Variants in BAZ2B observed in about 807,000 individuals in gnomAD.
The protein encoded by BAZ2B is bromodomain adjacent to zinc finger domain 2B.
In BAZ2B, 91 loss-of-function variants were observed where a neutral mutation model predicts 246.0. The ratio of observed to expected loss-of-function variants is 0.37; its 90% CI spans 0.31 to 0.44. The LOEUF is 0.44. Ranked by LOEUF, BAZ2B falls within the 20% of genes least tolerant of loss-of-function variation. The pLI is 1.00. For missense variants in BAZ2B, 2,332 were observed against 2,533.7 expected (o/e 0.92, Z 1.71); for synonymous variants, 855 against 860.0 (o/e 0.99, Z 0.10).
intron 1 of BAZ2B, among the ~76,000 whole-genome samples, chr2:159,598,046 T>C (rs1056073382): frequency 6.6e-6 from 1 of 151,522 alleles, no homozygotes; most frequent in East Asian, 1.9e-4. Flanking sequence ...CTAGGCTGGA[T>C]GCAGTGGCAC....
At position 159,375,245 on chromosome 2, in the gene BAZ2B, C is replaced by T. The variant is rs373869096; in HGVS notation, c.4006-492G>A. Among the ~76,000 whole-genome samples the T allele has an allele frequency of 8.5e-5, 13 of 152,136 alleles. No individual in the cohort carries two copies. The South Asian group carries it at 2.5e-3, about 29-fold the overall frequency. ...GCAAACCACACACACACAATAAACTCCCCCAAAGCAGGAAAGTATAAGGGT... is the reference window on the plus strand; with the variant it reads ...GCAAACCACACACACACAATAAACTTCCCCAAAGCAGGAAAGTATAAGGGT... On this transcript the variant is annotated intron_variant, in intron 25 of 36. Coordinates refer to ENST00000392783, the MANE Select transcript of BAZ2B (RefSeq NM_013450.4).
the BAZ2B span, among the ~76,000 whole-genome samples, chr2:159,706,866 A>T: frequency 6.6e-6 from 1 of 152,212 alleles, no homozygotes; most frequent in Admixed American, 6.5e-5. Flanking sequence ...TGTTGACTTT[A>T]AAGAGATTAC....
intron 2 of BAZ2B, among the ~76,000 whole-genome samples, chr2:159,481,089 A>C (rs977229338): frequency 2.6e-5 from 4 of 152,018 alleles, no homozygotes; most frequent in African/African-American, 9.7e-5. Context: ...ATAGAAATTT[A>C]ACAAATCCAC....
intron 1 of BAZ2B, among the ~76,000 whole-genome samples, chr2:159,577,345 G>A (rs1455756718): frequency 6.6e-6 from 1 of 152,126 alleles, no homozygotes. Flanking sequence ...TATTTACAGG[G>A]AAGAGCATTT....
intron 1 of BAZ2B, among the ~76,000 whole-genome samples, chr2:159,575,401 T>C (rs1256831334): frequency 6.6e-6 from 1 of 152,192 alleles, no homozygotes; most frequent in Non-Finnish European, 1.5e-5. Flanking sequence ...TCAACAGGCA[T>C]GTATCAAGGG....
chr2:159,594,762 G>A (rs944066120), intron 1 of BAZ2B, among the ~76,000 whole-genome samples: 1 of 152,072 alleles, frequency 6.6e-6, no homozygotes, highest in Non-Finnish European at 1.5e-5. Flanking sequence ...CTCCCAAGCG[G>A]CTGGGACTAC....
At chr2:159,528,549 G>A (rs953568286) in intron 2 of BAZ2B, among the ~76,000 whole-genome samples, 2 of 151,938 alleles carry the variant, frequency 1.3e-5, no homozygotes, top group African/African-American at 4.8e-5. Context: ...CAGGTGTGGT[G>A]GTGAGTGCCT....
intron 2 of BAZ2B, among the ~76,000 whole-genome samples, chr2:159,491,396 G>T (rs544048570): frequency 6.6e-6 from 1 of 152,242 alleles, no homozygotes; most frequent in Non-Finnish European, 1.5e-5. Flanking sequence ...GTGTTTGGGA[G>T]AAAATTAACT....
intron 13 of BAZ2B, among the ~76,000 whole-genome samples, chr2:159,417,175 G>GTTT (rs536077331): frequency 1.5e-5 from 2 of 134,584 alleles, no homozygotes; most frequent in African/African-American, 2.7e-5. Context: ...TTTTTTTTTT[G>GTTT]TTTTTTTTTT....
the BAZ2B span, among the ~76,000 whole-genome samples, chr2:159,678,994 C>T: frequency 8.1e-3 from 1,231 of 152,250 alleles, 21 homozygotes; most frequent in African/African-American, 0.028. Context: ...TTGAATGGGC[C>T]GGGCGCGGTG....
chr2:159,560,047 A>T (rs1304941488), intron 1 of BAZ2B, among the ~76,000 whole-genome samples: 2 of 152,226 alleles, frequency 1.3e-5, no homozygotes, highest in African/African-American at 2.4e-5. Flanking sequence ...AGCAATCAGC[A>T]CGTACTATCT....
intron 2 of BAZ2B, among the ~76,000 whole-genome samples, chr2:159,505,481 GC>G (rs531891402): frequency 1.2e-3 from 176 of 152,274 alleles, no homozygotes; most frequent in African/African-American, 3.9e-3. Context: ...CTGCCATAGA[GC>G]TTTTATAAGC....
At chr2:159,374,774 T>G in intron 25 of BAZ2B, 21 bp from the exon 26 acceptor site, 1 of 1,596,940 alleles carries the variant, frequency 6.3e-7, no homozygotes, top group Non-Finnish European at 8.6e-7. Context: ...GAAAATACAG[T>G]GTCATTTATC....
chr2:159,686,179 G>A, the BAZ2B span, among the ~76,000 whole-genome samples: 2 of 152,014 alleles, frequency 1.3e-5, no homozygotes, highest in Non-Finnish European at 2.9e-5. Flanking sequence ...GGCAGGAGGA[G>A]CCCTTGAACC....
At chr2:159,699,439 A>T in the BAZ2B span, among the ~76,000 whole-genome samples, 1 of 152,082 alleles carries the variant, frequency 6.6e-6, no homozygotes, top group East Asian at 1.9e-4. Context: ...TTGGAAGCTG[A>T]GTCAGGAGGA....
At chr2:159,360,995 AC>A (rs1483033202) in intron 27 of BAZ2B, among the ~76,000 whole-genome samples, 1 of 152,162 alleles carries the variant, frequency 6.6e-6, no homozygotes, top group East Asian at 1.9e-4. Context: ...AACCATAAAA[AC>A]CCTAGAACAA....
At chr2:159,645,099 A>C in the BAZ2B span, among the ~76,000 whole-genome samples, 1 of 151,984 alleles carries the variant, frequency 6.6e-6, no homozygotes, top group Admixed American at 6.6e-5. Context: ...ACATGGTGAA[A>C]ACTTGTCTCT....
At chr2:159,332,450 G>A in intron 34 of BAZ2B, 90 bp downstream of exon 34, 1 of 1,290,584 alleles carries the variant, frequency 7.7e-7, no homozygotes, top group Non-Finnish European at 1.1e-6. Flanking sequence ...TCATACCACT[G>A]CACTCCAGCC....
intron 6 of BAZ2B, among the ~76,000 whole-genome samples, chr2:159,443,662 T>G (rs1382362498): frequency 6.6e-6 from 1 of 152,196 alleles, no homozygotes; most frequent in Non-Finnish European, 1.5e-5. Flanking sequence ...TAAGTTCTAG[T>G]ATGCCTCACT....
Sources: allele counts gnomAD v4.1 joint callset (sites outside exome capture counted in the v4.1 genomes callset), GRCh38; gene constraint gnomAD v4.1.1; transcripts MANE v1.5; gene names NCBI Gene and HGNC (gene_info 2026-07-23, HGNC 2026-07-21).